GABRB3: variants seen among roughly 807,000 people sequenced by gnomAD.
The protein encoded by GABRB3 is gamma-aminobutyric acid receptor subunit beta-3.
Under a neutral mutation model 52.1 loss-of-function variants are expected in GABRB3, and 14 were observed. The observed-to-expected ratio is 0.27, with a 90% CI of 0.18 to 0.42. GABRB3 has a LOEUF of 0.42. GABRB3 is among the 10% of genes least tolerant of loss of function. The pLI is 1.00. For missense variants in GABRB3, 307 were observed against 609.1 expected, an observed-to-expected ratio of 0.50 and a Z score of 5.22; for synonymous variants, 260 against 232.3, an observed-to-expected ratio of 1.12 and a Z score of -1.08.
intron 8 of GABRB3, among the ~76,000 whole-genome samples, chr15:26,554,037 T>TATATATATATACATATATATATATATATA (rs59100810): frequency 1.7e-5 from 1 of 58,486 alleles, no homozygotes; most frequent in Non-Finnish European, 3.2e-5. Flanking sequence ...ATATATATAT[T>TATATATATATACATATATATATATATATA]TATTTATTTA....
At chr15:26,760,947 C>T (rs1344640393) in intron 3 of GABRB3, among the ~76,000 whole-genome samples, 1 of 152,144 alleles carries the variant, frequency 6.6e-6, no homozygotes, top group Non-Finnish European at 1.5e-5. Flanking sequence ...GAGCCAAGTA[C>T]AGGCCAGGTC....
At chr15:26,572,047 G>GAAAA (rs67382387) in intron 6 of GABRB3, among the ~76,000 whole-genome samples, 11 of 53,062 alleles carry the variant, frequency 2.1e-4, no homozygotes, top group African/African-American at 3.0e-4. Context: ...TCCGTCTCAA[G>GAAAA]AAAAAAAAAA....
chr15:26,732,323 T>C (rs868592426), intron 3 of GABRB3, among the ~76,000 whole-genome samples: 3 of 112,696 alleles, frequency 2.7e-5, no homozygotes, highest in Admixed American at 8.1e-5. Context: ...GATGGATGGA[T>C]GGATGGATGG....
intron 3 of GABRB3, among the ~76,000 whole-genome samples, chr15:26,631,754 T>C (rs1416029061): frequency 6.6e-6 from 1 of 152,220 alleles, no homozygotes; most frequent in Non-Finnish European, 1.5e-5. Flanking sequence ...AAACTAAATA[T>C]CTAACATCAC....
At chr15:26,624,683 A>C in intron 3 of GABRB3, 1 of 984,422 alleles carries the variant, frequency 1.0e-6, no homozygotes, top group South Asian at 4.7e-5. Context: ...AACCCGCTGC[A>C]TGTGATCAGC....
At chr15:26,549,174 A>G (rs1055320764) in intron 8 of GABRB3, among the ~76,000 whole-genome samples, 5 of 152,328 alleles carry the variant, frequency 3.3e-5, no homozygotes, top group African/African-American at 1.2e-4. Context: ...TTGTGTAGGA[A>G]TAATTTATTG....
chr15:26,701,878 A>C (rs1021996081), intron 3 of GABRB3, among the ~76,000 whole-genome samples: 3 of 152,238 alleles, frequency 2.0e-5, no homozygotes, highest in Non-Finnish European at 4.4e-5. Context: ...TGGTATAACT[A>C]TACATGGAGA....
At chr15:26,670,644 T>C (rs1347338510) in intron 3 of GABRB3, among the ~76,000 whole-genome samples, 1 of 152,176 alleles carries the variant, frequency 6.6e-6, no homozygotes, top group African/African-American at 2.4e-5. Context: ...ATAGGAAAAT[T>C]ACAATTCTGG....
At chr15:26,616,389 T>A (rs966098831) in intron 4 of GABRB3, among the ~76,000 whole-genome samples, 3 of 152,216 alleles carry the variant, frequency 2.0e-5, no homozygotes, top group African/African-American at 7.2e-5. Context: ...CTACATGTTT[T>A]TTAAATATCA....
At chr15:26,757,744 C>A (rs1890702299) in intron 3 of GABRB3, among the ~76,000 whole-genome samples, 1 of 152,200 alleles carries the variant, frequency 6.6e-6, no homozygotes, top group East Asian at 1.9e-4. Flanking sequence ...TGGCAAAGTT[C>A]ACTGTTTTGC....
chr15:26,642,193 C>T (rs1003742535), intron 3 of GABRB3, among the ~76,000 whole-genome samples: 1 of 152,180 alleles, frequency 6.6e-6, no homozygotes, highest in Non-Finnish European at 1.5e-5. Context: ...AAGCCTTCCC[C>T]CCAGATTTTT....
chr15:26,599,690 G>A (rs1221481673), intron 4 of GABRB3, among the ~76,000 whole-genome samples: 1 of 152,218 alleles, frequency 6.6e-6, no homozygotes, highest in Non-Finnish European at 1.5e-5. Context: ...CTAGAAGGCA[G>A]AGAGGATGAG....
At chr15:26,731,778 A>C (rs1566822398) in intron 3 of GABRB3, among the ~76,000 whole-genome samples, 1 of 152,238 alleles carries the variant, frequency 6.6e-6, no homozygotes, top group South Asian at 2.1e-4. Context: ...TGAACACGAA[A>C]AAGCAGATCC....
At chr15:26,743,180 G>A (rs934228086) in intron 3 of GABRB3, among the ~76,000 whole-genome samples, 12 of 151,974 alleles carry the variant, frequency 7.9e-5, no homozygotes, top group East Asian at 5.8e-4. Flanking sequence ...CACCTGCCTC[G>A]GCCTCCCAAA....
At chr15:26,723,043 A>G (rs143038846) in intron 3 of GABRB3, among the ~76,000 whole-genome samples, 12 of 152,344 alleles carry the variant, frequency 7.9e-5, no homozygotes, top group Non-Finnish European at 1.5e-4. Flanking sequence ...ATGTCACTCA[A>G]AAGGGCCTCT....
chr15:26,553,959 C>T (rs183131278), intron 8 of GABRB3, among the ~76,000 whole-genome samples: 56 of 141,450 alleles, frequency 4.0e-4, no homozygotes, highest in African/African-American at 1.5e-3. Context: ...ACAGCAGCCC[C>T]AAATACCAGG....
At chr15:26,703,314 C>T (rs1193051699) in intron 3 of GABRB3, among the ~76,000 whole-genome samples, 1 of 152,118 alleles carries the variant, frequency 6.6e-6, no homozygotes, top group African/African-American at 2.4e-5. Context: ...AACAGAAAAC[C>T]AATCCCTCAG....
rs571116450 is a variant in GABRB3, at chr15:26,688,564, G to C, written c.241-67030C>G. 5.9e-5 allele frequency among the ~76,000 whole-genome samples: 9 copies of C among 152,306 alleles called. No homozygotes were observed. The East Asian group carries it at 1.7e-3, about 29-fold the overall frequency. On this transcript the variant is annotated intron_variant, in intron 3 of 8. Transcript: ENST00000311550. ...GCTCTGAAGGAATCAATAAAAATGAGAGCCATAGGTGTGTCACCGATGCTA... is the reference window on the plus strand; with the variant it reads ...GCTCTGAAGGAATCAATAAAAATGACAGCCATAGGTGTGTCACCGATGCTA...
chr15:26,571,082 A>T (rs781118124), intron 6 of GABRB3, among the ~76,000 whole-genome samples: 9 of 152,198 alleles, frequency 5.9e-5, no homozygotes, highest in Non-Finnish European at 1.3e-4. Context: ...TTGAAATCCC[A>T]TGGTAACTTC....
Sources: gnomAD v4.1 joint callset for allele counts (sites outside exome capture counted in the v4.1 genomes callset) on GRCh38, gnomAD v4.1.1 for gene constraint, MANE v1.5 for transcripts, NCBI Gene and HGNC (gene_info 2026-07-23, HGNC 2026-07-21) for gene names.